The following EEIG1 variants were observed in gnomAD, a reference collection of about 807,000 sequenced individuals.
The protein encoded by EEIG1 is early estrogen-induced gene 1 protein.
At chr9:127,952,757 G>A in the EEIG1 span, among the ~76,000 whole-genome samples, 1 of 152,072 alleles carries the variant, frequency 6.6e-6, no homozygotes, top group Non-Finnish European at 1.5e-5. Context: ...CTGTCACCCA[G>A]GCTGGAGTGC....
At chr9:127,972,557 G>C in the EEIG1 span, 1 of 152,292 alleles carries the variant, frequency 6.6e-6, no homozygotes, top group African/African-American at 2.4e-5. The surrounding 1 kb of genome is among the most constrained non-coding windows in gnomAD (Gnocchi z 4.3). Flanking sequence ...GCTTCACAGG[G>C]GCGGTCACTG....
the EEIG1 span, among the ~76,000 whole-genome samples, chr9:127,974,116 C>G: frequency 6.6e-6 from 1 of 152,174 alleles, no homozygotes. Context: ...AGGCATGATG[C>G]CAGCCCTGCG....
the EEIG1 span, chr9:127,950,742 G>A: frequency 7.2e-7 from 1 of 1,387,730 alleles, no homozygotes; most frequent in Non-Finnish European, 9.4e-7. Flanking sequence ...GCAAAGCCAG[G>A]AACTCACATC....
chr9:127,971,019 G>C, the EEIG1 span, among the ~76,000 whole-genome samples: 6 of 152,186 alleles, frequency 3.9e-5, no homozygotes, highest in Non-Finnish European at 1.5e-5. Context: ...GAATTTGTCT[G>C]GGGGGAGCCT....
chr9:127,953,641 G>A, the EEIG1 span: 1 of 1,613,322 alleles, frequency 6.2e-7, no homozygotes, highest in Non-Finnish European at 8.5e-7. Context: ...CAAGTTGACT[G>A]CAGAATCCCA....
the EEIG1 span, among the ~76,000 whole-genome samples, chr9:127,977,813 G>A: frequency 6.6e-6 from 1 of 152,130 alleles, no homozygotes; most frequent in African/African-American, 2.4e-5. Context: ...TCTCTAACAT[G>A]GGGATAATAA....
the EEIG1 span, among the ~76,000 whole-genome samples, chr9:127,959,271 A>G: frequency 6.6e-6 from 1 of 152,268 alleles, no homozygotes; most frequent in Non-Finnish European, 1.5e-5. Context: ...TGGTAAATGG[A>G]CAAATAAAAT....
At chr9:127,964,433 G>A in the EEIG1 span, among the ~76,000 whole-genome samples, 334 of 152,360 alleles carry the variant, frequency 2.2e-3, 2 homozygotes, top group African/African-American at 7.7e-3. Flanking sequence ...GGGGCCAGGT[G>A]CCGTAGGGCT....
the EEIG1 span, chr9:127,942,927 C>A: frequency 7.8e-5 from 40 of 515,534 alleles, no homozygotes; most frequent in African/African-American, 6.4e-4. Flanking sequence ...GCTGCACGGG[C>A]CCGCCTGGCC....
the EEIG1 span, among the ~76,000 whole-genome samples, chr9:127,957,451 A>T: frequency 6.6e-6 from 1 of 152,240 alleles, no homozygotes; most frequent in African/African-American, 2.4e-5. Context: ...AACATTGCTG[A>T]AAGACATTAA....
the EEIG1 span, chr9:127,942,243 G>A: frequency 6.5e-6 from 1 of 152,786 alleles, no homozygotes; most frequent in Non-Finnish European, 1.5e-5. Context: ...GAAGGACTTT[G>A]CTTGCTCCAA....
chr9:127,944,720 G>C, the EEIG1 span: 35 of 1,612,014 alleles, frequency 2.2e-5, no homozygotes, highest in Non-Finnish European at 2.9e-5. Context: ...GGCTGAGCGC[G>C]GCAGGGCCAG....
chr9:127,948,478 C>A, the EEIG1 span: 1 of 1,535,788 alleles, frequency 6.5e-7, no homozygotes, highest in South Asian at 1.1e-5. Flanking sequence ...CGCAGGGCCC[C>A]CTGCAGCCTT....
At chr9:127,945,653 G>T in the EEIG1 span, 1 of 1,588,266 alleles carries the variant, frequency 6.3e-7, no homozygotes, top group South Asian at 1.1e-5. This position sits in a 1 kb window ranked among gnomAD's most constrained non-coding sequence, Gnocchi z 6.5. Flanking sequence ...ACTCACCGGA[G>T]ATCTTGGACT....
chr9:127,979,877 C>A, the EEIG1 span: 12 of 1,307,044 alleles, frequency 9.2e-6, no homozygotes, highest in Non-Finnish European at 1.2e-5. Flanking sequence ...CCCAGGCACA[C>A]AGAATCCCCC....
the EEIG1 span, among the ~76,000 whole-genome samples, chr9:127,964,034 G>T: frequency 2.6e-5 from 4 of 152,174 alleles, no homozygotes; most frequent in Non-Finnish European, 5.9e-5. Flanking sequence ...CAGGCAGTGG[G>T]AACAGCACAG....
the EEIG1 span, among the ~76,000 whole-genome samples, chr9:127,946,763 G>T: frequency 6.6e-6 from 1 of 152,210 alleles, no homozygotes; most frequent in Non-Finnish European, 1.5e-5. Context: ...GGGAGTGGAG[G>T]GAAGCTGGGC....
At chr9:127,970,633 C>G in the EEIG1 span, among the ~76,000 whole-genome samples, 1 of 152,164 alleles carries the variant, frequency 6.6e-6, no homozygotes, top group Non-Finnish European at 1.5e-5. Context: ...AGCAATCAAC[C>G]CCATGGCTGC....
At chr9:127,957,426 C>T in the EEIG1 span, among the ~76,000 whole-genome samples, 1 of 152,074 alleles carries the variant, frequency 6.6e-6, no homozygotes, top group Non-Finnish European at 1.5e-5. Flanking sequence ...AAAATACATA[C>T]TCCGGAAACT....
Sources: allele counts gnomAD v4.1 joint callset (sites outside exome capture counted in the v4.1 genomes callset), GRCh38; gene constraint gnomAD v4.1.1; non-coding constraint Gnocchi (gnomAD v3.1); transcripts MANE v1.5; gene names NCBI Gene and HGNC (gene_info 2026-07-23, HGNC 2026-07-21).